Variants in MAPK8 observed in about 807,000 individuals in gnomAD.
MAPK8 encodes mitogen-activated protein kinase 8, also known as JUN N-terminal kinase.
In MAPK8, 13 loss-of-function variants were observed where a neutral mutation model predicts 52.9. That is an observed-to-expected ratio of 0.25 (90% CI 0.16 to 0.39). MAPK8 has a LOEUF of 0.39. Among genes scored for constraint, MAPK8 ranks in the 10% least tolerant of loss-of-function variants. The pLI is 1.00. For missense variants in MAPK8, 300 were observed against 519.2 expected, an observed-to-expected ratio of 0.58 and a Z score of 4.10; for synonymous variants, 191 against 169.8, an observed-to-expected ratio of 1.12 and a Z score of -0.97.
chr10:48,318,258 C>T (rs1028255380), intron 1 of MAPK8, among the ~76,000 whole-genome samples: 1 of 152,128 alleles, frequency 6.6e-6, no homozygotes, highest in African/African-American at 2.4e-5. Flanking sequence ...GGCCTACCCA[C>T]GGTATCAAGG....
chr10:48,361,663 A>G (rs1190882908), intron 1 of MAPK8, among the ~76,000 whole-genome samples: 9 of 152,082 alleles, frequency 5.9e-5, no homozygotes, highest in East Asian at 1.9e-4. Context: ...ATACTTCTCT[A>G]AGTTTTCCTT....
At chr10:48,334,709 G>A (rs1320488875) in intron 1 of MAPK8, among the ~76,000 whole-genome samples, 4 of 152,066 alleles carry the variant, frequency 2.6e-5, no homozygotes, top group South Asian at 4.1e-4. Context: ...GATCCCAGAC[G>A]GGCCCCCAAG....
intron 1 of MAPK8, among the ~76,000 whole-genome samples, chr10:48,363,162 C>G (rs939657175): frequency 5.9e-5 from 9 of 152,230 alleles, no homozygotes; most frequent in South Asian, 4.1e-4. Flanking sequence ...ATCCTCACGC[C>G]TCAGCCTCCT....
intron 1 of MAPK8, among the ~76,000 whole-genome samples, chr10:48,351,547 T>C (rs191422528): frequency 5.3e-5 from 8 of 152,026 alleles, no homozygotes; most frequent in African/African-American, 1.4e-4. Flanking sequence ...AGACAGTGCT[T>C]CAACAAGCAG....
chr10:48,361,700 C>T (rs1462502337), intron 1 of MAPK8, among the ~76,000 whole-genome samples: 1 of 152,140 alleles, frequency 6.6e-6, no homozygotes, highest in African/African-American at 2.4e-5. Context: ...TTGTGCATTT[C>T]TTCTTCCATC....
Position 48,435,792 on chromosome 10 carries a change from A to G in MAPK8, c.*763A>G, listed in dbSNP as rs925325057. The G allele has an allele frequency of 6.6e-6, 1 of 152,262 alleles. No individual in the cohort carries two copies. The highest frequency in any genetic ancestry group is 1.5e-5 in the Non-Finnish European group (1 of 68,048). The allele number at this position is 152,262 out of a possible 1,614,324, so 9.4% of individuals were successfully genotyped here. On this transcript the variant is annotated 3_prime_UTR_variant, in exon 12 of 12. Transcript: ENST00000374189. ...ATGGTGTATTCTACAAATTTGTGGC[A>G]TGCTCAAAGTTTATGATCACATAAA...
In MAPK8 at chr10:48,438,159, T is replaced by C. The variant is rs2045007686; in HGVS notation, c.*3130T>C. The C allele has an allele frequency of 1.3e-5, 2 of 152,240 alleles. No individual in the cohort carries two copies. Among genetic ancestry groups the C allele is most frequent in the African/African-American group, 4.8e-5 (2 of 41,462 alleles). 9.4% of individuals were successfully genotyped at this position (152,240 alleles called of 1,614,324 possible). On this transcript the variant is annotated 3_prime_UTR_variant, in exon 12 of 12. Transcript: ENST00000374189. ...TTGTTCATTAGTTACACATTAGCTA[T>C]AGAGTGGATGCATGAAGCCCCATGA...
rs1475171749 is a variant in MAPK8 at position 48,427,103 on chromosome 10, G to T, written c.1020G>T (p.Lys340Asn). The T allele has an allele frequency of 6.2e-7, 1 of 1,613,060 alleles. No individual in the cohort carries two copies. Among genetic ancestry groups the T allele is most frequent in the East Asian group, 2.2e-5 (1 of 44,786 alleles). ...AEAPPPKIPDKQLDEREHTIE... is the reference protein window; with the variant it reads ...AEAPPPKIPDNQLDEREHTIE... The stretch of plus-strand genomic sequence containing the variant: ...AGCCACCACCAAAGATCCCTGACAA[G>T]CAGTTAGATGAAAGGGAACACACAA... The change falls in exon 10 of 12, where the codon AAG (lysine) becomes AAT (asparagine). Residue 340 changes from lysine (K) to asparagine (N), a missense_variant. Transcript: ENST00000374189.
intron 1 of MAPK8, among the ~76,000 whole-genome samples, chr10:48,371,616 G>A (rs1045283451): frequency 1.3e-5 from 2 of 152,056 alleles, no homozygotes; most frequent in African/African-American, 2.4e-5. Context: ...TCACCAAAAT[G>A]TATGAAGATT....
At chr10:48,374,895 A>G (rs1564547656) in intron 1 of MAPK8, among the ~76,000 whole-genome samples, 1 of 152,250 alleles carries the variant, frequency 6.6e-6, no homozygotes, top group African/African-American at 2.4e-5. Flanking sequence ...TTATGAGGCC[A>G]GAATCATCCT....
intron 1 of MAPK8, among the ~76,000 whole-genome samples, chr10:48,372,813 A>G (rs2040405305): frequency 6.6e-6 from 1 of 152,202 alleles, no homozygotes; most frequent in Admixed American, 6.5e-5. Context: ...ACTCTTCAGG[A>G]TATTATCCAG....
chr10:48,427,713 C>T (rs959573751), intron 10 of MAPK8, among the ~76,000 whole-genome samples: 33 of 152,268 alleles, frequency 2.2e-4, no homozygotes, highest in Non-Finnish European at 3.2e-4. Flanking sequence ...AGGATGGTCT[C>T]GATCTCCTGA....
At chr10:48,386,180 T>C (rs1476337964) in intron 1 of MAPK8, among the ~76,000 whole-genome samples, 2 of 152,166 alleles carry the variant, frequency 1.3e-5, no homozygotes, top group Non-Finnish European at 2.9e-5. Flanking sequence ...GTGAAAGATT[T>C]GGCAAAAGTT....
At chr10:48,376,410 G>A (rs1192787772) in intron 1 of MAPK8, among the ~76,000 whole-genome samples, 2 of 152,108 alleles carry the variant, frequency 1.3e-5, no homozygotes, top group Non-Finnish European at 2.9e-5. Context: ...AAGAGTTTCT[G>A]CACAGCAAAA....
chr10:48,325,565 A>T (rs1266238768), intron 1 of MAPK8, among the ~76,000 whole-genome samples: 1 of 152,228 alleles, frequency 6.6e-6, no homozygotes, highest in Non-Finnish European at 1.5e-5. Flanking sequence ...AAAATTGAGT[A>T]TATACTACAG....
chr10:48,435,085 A>G lies in MAPK8; in HGVS notation c.*56A>G, dbSNP rs2044748610. 2 of 1,336,332 alleles carry G rather than the reference A, an allele frequency of 1.5e-6. No individual in the cohort carries two copies. Among genetic ancestry groups the G allele is most frequent in the Admixed American group, 4.8e-5 (2 of 41,458 alleles). The allele number at this position is 1,336,332 out of a possible 1,614,324, so 82.8% of individuals were successfully genotyped here. A position where few individuals can be genotyped will look rare whatever the true frequency, so the allele number is the denominator to read the frequency against. Reference sequence around the variant, plus strand: ...GGGGAGTCGGTTAGTCATTGATAGAACTACTTTGAAAACAATTCAGTGGTC... The same window carrying G: ...GGGGAGTCGGTTAGTCATTGATAGAGCTACTTTGAAAACAATTCAGTGGTC... On this transcript the variant is annotated 3_prime_UTR_variant, in exon 12 of 12. Coordinates refer to ENST00000374189, the MANE Select transcript of MAPK8 (RefSeq NM_001323329.2).
At chr10:48,318,073 G>A (rs2132123565) in intron 1 of MAPK8, among the ~76,000 whole-genome samples, 1 of 152,128 alleles carries the variant, frequency 6.6e-6, no homozygotes, top group Non-Finnish European at 1.5e-5. Context: ...GGAGTTATAG[G>A]TAGGTAGACT....
chr10:48,400,123 G>A (rs2042085973), intron 1 of MAPK8, among the ~76,000 whole-genome samples: 1 of 152,198 alleles, frequency 6.6e-6, no homozygotes, highest in African/African-American at 2.4e-5. Flanking sequence ...CTGTATGTGA[G>A]CATTGTGTGA....
chr10:48,421,366 A>T (rs1457757014), intron 6 of MAPK8, among the ~76,000 whole-genome samples: 2 of 152,192 alleles, frequency 1.3e-5, no homozygotes, highest in African/African-American at 4.8e-5. Flanking sequence ...GGGAATTGAT[A>T]ACTTCACGTG....
Sources: gnomAD v4.1 joint callset for allele counts (sites outside exome capture counted in the v4.1 genomes callset) on GRCh38, gnomAD v4.1.1 for gene constraint, MANE v1.5 for transcripts, NCBI Gene and HGNC (gene_info 2026-07-23, HGNC 2026-07-21) for gene names.